The following DNPEP variants were observed in gnomAD, a reference collection of about 807,000 sequenced individuals.
The protein encoded by DNPEP is aspartyl aminopeptidase.
In DNPEP, 46 loss-of-function variants were observed where a neutral mutation model predicts 59.1. The observed-to-expected ratio is 0.78, with a 90% CI of 0.61 to 0.99. The LOEUF (loss-of-function observed/expected upper bound fraction) is 0.99. Among genes scored for constraint, DNPEP ranks in the 50% least tolerant of loss-of-function variants. The pLI is 0.00. For synonymous variants in DNPEP, 229 were observed against 242.2 expected (o/e 0.95, Z 0.50); for missense variants, 617 against 649.9 (o/e 0.95, Z 0.55).
intron 13 of DNPEP, among the ~76,000 whole-genome samples, chr2:219,378,777 G>C (rs1416781033): frequency 1.3e-5 from 2 of 152,194 alleles, no homozygotes; most frequent in African/African-American, 2.4e-5. Context: ...TGACTCACTT[G>C]TTTGTGGCGA....
intron 13 of DNPEP, 87 bp downstream of exon 13, chr2:219,381,248 C>G: frequency 8.4e-7 from 1 of 1,194,780 alleles, no homozygotes; most frequent in South Asian, 1.2e-5. Context: ...GGCCATCTAC[C>G]AGGTTCCCTG....
rs1322888675 is a variant in DNPEP at position 219,372,924 on chromosome 2, TTAAG to T, written c.*1364_*1367del. 2.0e-5 allele frequency among the ~76,000 whole-genome samples: 3 copies of T among 152,172 alleles called. No individual in the cohort carries two copies. Among genetic ancestry groups the T allele is most frequent in the Non-Finnish European group, 4.4e-5 (3 of 68,040 alleles). ...GATATAGAAATATCTCTATATTATA[TTAAG>T]TTTTTTAGAAAGCTGAAGTGGAATA... On this transcript the variant is annotated 3_prime_UTR_variant, in exon 15 of 15. Coordinates refer to ENST00000273075, the MANE Select transcript of DNPEP (RefSeq NM_012100.4).
At position 219,386,416 on chromosome 2, in the gene DNPEP, G is replaced by A. The variant is rs768924941; in HGVS notation, c.334-5C>T. The A allele has an allele frequency of 2.1e-5, 34 of 1,614,104 alleles. No individual in the cohort carries two copies. The highest frequency in any genetic ancestry group is 2.8e-5 in the Non-Finnish European group (33 of 1,180,044). On this transcript the variant is annotated splice_polypyrimidine_tract_variant and splice_region_variant and intron_variant, in intron 4 of 14. Coordinates refer to ENST00000273075, the MANE Select transcript of DNPEP (RefSeq NM_012100.4). ...GCGGCGAGACCGACGTTTCACCTGA[G>A]TGTAAAGATGGAGAAGTCAGAGAAG...
In DNPEP at chr2:219,377,069, T is replaced by C. The variant is rs140283427; in HGVS notation, c.1240-2047A>G. Among the ~76,000 whole-genome samples the C allele has an allele frequency of 9.8e-3, 1,483 of 151,318 alleles. 27 individuals carry two copies. The highest frequency in any genetic ancestry group is 0.034 in the African/African-American group (1,394 of 41,258). The stretch of plus-strand genomic sequence containing the variant: ...TGGGCGGACCACTTGAGGTCAGGAG[T>C]TCAAGACCAGTCTGGCCAATATGGT... On this transcript the variant is annotated intron_variant, in intron 13 of 14. Coordinates refer to ENST00000273075, the MANE Select transcript of DNPEP (RefSeq NM_012100.4).
chr2:219,394,906 G>A (rs1159773845), intron 1 of DNPEP, among the ~76,000 whole-genome samples: 5 of 151,904 alleles, frequency 3.3e-5, no homozygotes, highest in Non-Finnish European at 5.9e-5. Flanking sequence ...CAATAAGGAA[G>A]GCCCCAGGTT....
At chr2:219,399,611 G>A (rs1954152718) in intron 1 of DNPEP, 5 of 639,382 alleles carry the variant, frequency 7.8e-6, no homozygotes, top group Admixed American at 4.3e-5. Context: ...GTTGGGCAAC[G>A]TGGAGAGAAT....
Position 219,374,837 on chromosome 2 carries a change from G to T in DNPEP, c.1407+18C>A. The T allele has an allele frequency of 6.2e-7, 1 of 1,607,480 alleles. No homozygotes were observed. Among genetic ancestry groups the T allele is most frequent in the Non-Finnish European group, 8.5e-7 (1 of 1,174,500 alleles). ...GGAAGCAGCCCAGCTGCCAGAGAGGGTCTGGGGTGGGTGTTACCTTGAAGA... is the reference window on the plus strand; with the variant it reads ...GGAAGCAGCCCAGCTGCCAGAGAGGTTCTGGGGTGGGTGTTACCTTGAAGA... On this transcript the variant is annotated intron_variant, in intron 14 of 14. Coordinates refer to ENST00000273075, the MANE Select transcript of DNPEP (RefSeq NM_012100.4).
intron 13 of DNPEP, among the ~76,000 whole-genome samples, chr2:219,379,637 A>G (rs1953506765): frequency 2.0e-5 from 3 of 152,182 alleles, no homozygotes; most frequent in Admixed American, 6.5e-5. Context: ...AAAGTAAAAA[A>G]GTTGGCCGGG....
At chr2:219,387,019 T>C in intron 2 of DNPEP, 39 bp from the exon 3 acceptor site, 1 of 1,613,412 alleles carries the variant, frequency 6.2e-7, no homozygotes, top group Non-Finnish European at 8.5e-7. Flanking sequence ...TGGAAGCTGG[T>C]GAAGGGCGCA....
In DNPEP at chr2:219,387,808, T is replaced by C; in HGVS notation, c.-14A>G. ...GTGTCCGCTCATCTGGCCTCCGGGC[T>C]CGGCCCGCCCCCACCGCGCCGCCTG... On this transcript the variant is annotated 5_prime_UTR_variant, in exon 1 of 15. Transcript: ENST00000273075. 1 of 1,579,532 alleles carries C rather than the reference T, an allele frequency of 6.3e-7. No homozygotes were observed. The highest frequency in any genetic ancestry group is 1.1e-5 in the South Asian group (1 of 88,816).
At chr2:219,388,705 G>C (rs1177897790), upstream of DNPEP, 2 of 985,720 alleles carry the variant, frequency 2.0e-6, no homozygotes, top group Non-Finnish European at 2.4e-6. Context: ...AGCTCACCGG[G>C]TCCGACGGGT....
At chr2:219,399,980 CT>C in exon 1 of DNPEP, 10 of 1,442,184 alleles carry the variant, frequency 6.9e-6, no homozygotes, top group Admixed American at 4.0e-5. Context: ...AACCGTGTGC[CT>C]TTTTTGCCGG....
intron 1 of DNPEP, among the ~76,000 whole-genome samples, chr2:219,398,759 G>A (rs1337532634): frequency 6.6e-6 from 1 of 152,238 alleles, no homozygotes; most frequent in Non-Finnish European, 1.5e-5. Context: ...TTCAGGCCCT[G>A]TGGCAGGATG....
chr2:219,380,560 T>C (rs1953549283), intron 13 of DNPEP, among the ~76,000 whole-genome samples: 1 of 152,086 alleles, frequency 6.6e-6, no homozygotes, highest in Non-Finnish European at 1.5e-5. Context: ...CTGACCATTT[T>C]GTTACAGTTA....
Position 219,398,375 on chromosome 2 carries a change from C to T in DNPEP, c.-158+1565G>A, listed in dbSNP as rs189698031. Among the ~76,000 whole-genome samples, 19 of 152,332 alleles carry T rather than the reference C, an allele frequency of 1.2e-4. No homozygotes were observed. In the East Asian group the frequency reaches 2.7e-3, roughly 22 times the overall value. Reference sequence around the variant, plus strand: ...CAAATAATAGTAACTTGGGGCCGGGCGCGTTGGCTCACGCCTGTAATCCCA... The same window carrying T: ...CAAATAATAGTAACTTGGGGCCGGGTGCGTTGGCTCACGCCTGTAATCCCA... On this transcript the variant is annotated intron_variant, in intron 1 of 6. Transcript: ENST00000434339.
In DNPEP at chr2:219,374,179, G is replaced by C; in HGVS notation, c.*113C>G. On this transcript the variant is annotated 3_prime_UTR_variant, in exon 15 of 15. Transcript: ENST00000273075. ...TCCCACTCCTCTAGTCTCCAAATAA[G>C]CGTAGCACGGAGAGTCTGAGTGACA... 9.4e-7 allele frequency: 1 copy of C among 1,067,772 alleles called. No individual in the cohort carries two copies. Among genetic ancestry groups the C allele is most frequent in the Non-Finnish European group, 1.4e-6 (1 of 702,238 alleles). 66.1% of individuals were successfully genotyped at this position (1,067,772 alleles called of 1,614,324 possible). A position where few individuals can be genotyped will look rare whatever the true frequency, so the allele number is the denominator to read the frequency against.
chr2:219,385,733 G>A, intron 6 of DNPEP, 27 bp from the exon 7 acceptor site: 3 of 1,575,652 alleles, frequency 1.9e-6, no homozygotes, highest in Non-Finnish European at 1.7e-6. Context: ...GTTGTGGGGG[G>A]ATTGCGAGGA....
upstream of DNPEP, among the ~76,000 whole-genome samples, chr2:219,392,881 T>A (rs558935494): frequency 6.6e-6 from 1 of 152,340 alleles, no homozygotes; most frequent in African/African-American, 2.4e-5. Context: ...CTACCTAGGA[T>A]GAGCCATACA....
At chr2:219,390,454 G>GA (rs930689068), upstream of DNPEP, among the ~76,000 whole-genome samples, 6 of 152,062 alleles carry the variant, frequency 3.9e-5, no homozygotes, top group Admixed American at 3.3e-4. Flanking sequence ...GGGTAAAAAA[G>GA]AAAAAAGTAA....
Sources: allele counts gnomAD v4.1 joint callset (sites outside exome capture counted in the v4.1 genomes callset), GRCh38; gene constraint gnomAD v4.1.1; transcripts MANE v1.5; gene names NCBI Gene and HGNC (gene_info 2026-07-23, HGNC 2026-07-21).